The following TENM4 variants were observed in gnomAD, a reference collection of about 807,000 sequenced individuals.
TENM4 encodes the protein teneurin transmembrane protein 4.
Under a neutral mutation model 243.3 loss-of-function variants are expected in TENM4, and 82 were observed. The observed-to-expected ratio is 0.34, with a 90% CI of 0.28 to 0.40. The LOEUF (loss-of-function observed/expected upper bound fraction) is 0.40. Ranked by LOEUF, TENM4 falls within the 10% of genes least tolerant of loss-of-function variation. The pLI, the probability that TENM4 is intolerant of heterozygous loss-of-function variation, is 1.00. For synonymous variants in TENM4, 1,412 were observed against 1,456.3 expected (o/e 0.97, Z 0.69); for missense variants, 3,138 against 3,673.3 (o/e 0.85, Z 3.77).
At chr11:78,974,453 C>T (rs558317272) in intron 6 of TENM4, among the ~76,000 whole-genome samples, 28 of 152,248 alleles carry the variant, frequency 1.8e-4, no homozygotes, top group African/African-American at 6.3e-4. Flanking sequence ...CCAAGTGGGG[C>T]TCCAACCCAG....
intron 6 of TENM4, among the ~76,000 whole-genome samples, chr11:78,942,880 G>C (rs1198238583): frequency 6.6e-6 from 1 of 151,458 alleles, no homozygotes; most frequent in Non-Finnish European, 1.5e-5. Flanking sequence ...TCACAAATTG[G>C]AGAAATGGTG....
chr11:79,397,475 T>G (rs911007702), intron 1 of TENM4, among the ~76,000 whole-genome samples: 1 of 152,158 alleles, frequency 6.6e-6, no homozygotes, highest in Non-Finnish European at 1.5e-5. Flanking sequence ...CAAAGATGTG[T>G]CACTCCTGCT....
intron 10 of TENM4, among the ~76,000 whole-genome samples, chr11:78,860,264 G>A (rs947450876): frequency 3.3e-5 from 5 of 152,152 alleles, no homozygotes; most frequent in African/African-American, 1.2e-4. Flanking sequence ...AATATTTGTT[G>A]AGTGCCACTT....
intron 6 of TENM4, among the ~76,000 whole-genome samples, chr11:78,980,682 T>C (rs1451077856): frequency 1.3e-5 from 2 of 152,228 alleles, no homozygotes; most frequent in Non-Finnish European, 2.9e-5. Flanking sequence ...TTAGTAGCTG[T>C]ACAACCGTGG....
At chr11:79,186,407 G>A (rs558160191) in intron 3 of TENM4, among the ~76,000 whole-genome samples, 6 of 152,306 alleles carry the variant, frequency 3.9e-5, no homozygotes, top group East Asian at 3.9e-4. Context: ...GCACTACAGC[G>A]GAGCCTTTAC....
At chr11:78,945,568 C>T (rs1384335775) in intron 6 of TENM4, among the ~76,000 whole-genome samples, 1 of 152,180 alleles carries the variant, frequency 6.6e-6, no homozygotes, top group Non-Finnish European at 1.5e-5. Flanking sequence ...GTGCCTCTCA[C>T]TTTAAATCTA....
At chr11:78,883,220 C>T (rs763005112) in intron 9 of TENM4, among the ~76,000 whole-genome samples, 1 of 152,230 alleles carries the variant, frequency 6.6e-6, no homozygotes, top group Non-Finnish European at 1.5e-5. Flanking sequence ...ACCTGCACAA[C>T]AGCCTTATGA....
intron 6 of TENM4, among the ~76,000 whole-genome samples, chr11:78,923,183 C>T (rs1040400306): frequency 6.6e-6 from 1 of 152,154 alleles, no homozygotes; most frequent in East Asian, 1.9e-4. Context: ...CAGAGCCCTG[C>T]ACTCAGAGGG....
rs115618029 is a variant in TENM4, at chr11:78,872,456, C to T, written c.1085-9324G>A. Among the ~76,000 whole-genome samples the T allele has an allele frequency of 9.6e-3, 1,458 of 152,316 alleles. 18 individuals are homozygous for T. Among genetic ancestry groups the T allele is most frequent in the African/African-American group, 0.033 (1,374 of 41,564 alleles). ...CAGCATTGCCCTTTGGGTGGTACAA[C>T]ACGCCACTGCCAGGTCTGGGATGGT... On this transcript the variant is annotated intron_variant, in intron 9 of 33. Transcript: ENST00000278550.
chr11:78,683,893 A>G (rs1285519651), intron 29 of TENM4, among the ~76,000 whole-genome samples: 3 of 152,164 alleles, frequency 2.0e-5, no homozygotes, highest in East Asian at 1.9e-4. Context: ...TGAAAATACT[A>G]TCTCTGGATT....
intron 1 of TENM4, among the ~76,000 whole-genome samples, chr11:79,318,280 A>G (rs1488782605): frequency 6.6e-6 from 1 of 152,188 alleles, no homozygotes; most frequent in African/African-American, 2.4e-5. Context: ...ACATTTACTT[A>G]CCAGTGAGAA....
At chr11:78,925,383 T>A (rs536478043) in intron 6 of TENM4, among the ~76,000 whole-genome samples, 2 of 152,306 alleles carry the variant, frequency 1.3e-5, no homozygotes, top group African/African-American at 4.8e-5. Flanking sequence ...AACCTGGACC[T>A]CTTTGAGACT....
intron 2 of TENM4, among the ~76,000 whole-genome samples, chr11:79,276,305 T>C (rs1360927322): frequency 2.0e-5 from 3 of 152,250 alleles, no homozygotes; most frequent in African/African-American, 7.2e-5. Flanking sequence ...CAGCTCACAC[T>C]CTGCTCACCC....
intron 6 of TENM4, among the ~76,000 whole-genome samples, chr11:78,998,737 T>G (rs959921443): frequency 6.6e-6 from 1 of 152,144 alleles, no homozygotes; most frequent in African/African-American, 2.4e-5. Context: ...GCTGGTGGCA[T>G]TGTCGTAAAA....
At chr11:79,193,305 A>C (rs1024877356) in intron 3 of TENM4, 2 of 152,352 alleles carry the variant, frequency 1.3e-5, no homozygotes, top group African/African-American at 4.8e-5. Context: ...GGGCAGCCGG[A>C]ACTCAGGTGT....
intron 4 of TENM4, among the ~76,000 whole-genome samples, chr11:79,088,519 C>T (rs1380686427): frequency 6.6e-6 from 1 of 152,196 alleles, no homozygotes; most frequent in Non-Finnish European, 1.5e-5. Context: ...ATTCACTTAA[C>T]CTCTTTATTC....
In TENM4 at chr11:79,115,456, A is replaced by C. The variant is rs1025601916; in HGVS notation, c.-66+33254T>G. On this transcript the variant is annotated intron_variant, in intron 4 of 33. Coordinates refer to ENST00000278550, the MANE Select transcript of TENM4 (RefSeq NM_001098816.3). ...CTACCATGGACTAGCTCAGGTCTTC[A>C]TTTCCCCAGAATCACTACAATAAAG... 6.6e-5 allele frequency among the ~76,000 whole-genome samples: 10 copies of C among 152,214 alleles called. No individual in the cohort carries two copies. The East Asian group carries it at 1.9e-3, about 29-fold the overall frequency.
Position 79,114,581 on chromosome 11 carries a change from G to A in TENM4, c.-66+34129C>T, listed in dbSNP as rs570052733. ...TCCCCATCAGAAGGGCTTCATGGGT[G>A]TGTGACCTGTGCAGTCACAGAGGGC... On this transcript the variant is annotated intron_variant, in intron 4 of 33. Transcript: ENST00000278550. 3.3e-5 allele frequency among the ~76,000 whole-genome samples: 5 copies of A among 152,312 alleles called. No individual in the cohort carries two copies. The East Asian group carries it at 7.7e-4, about 24-fold the overall frequency.
chr11:79,045,012 T>C (rs1859624313), intron 6 of TENM4, among the ~76,000 whole-genome samples: 1 of 152,232 alleles, frequency 6.6e-6, no homozygotes, highest in African/African-American at 2.4e-5. Flanking sequence ...ATACATCCAA[T>C]GTTGTGCAAC....
Sources: gnomAD v4.1 joint callset for allele counts (sites outside exome capture counted in the v4.1 genomes callset) on GRCh38, gnomAD v4.1.1 for gene constraint, MANE v1.5 for transcripts, NCBI Gene and HGNC (gene_info 2026-07-23, HGNC 2026-07-21) for gene names.